CPED1: variants seen among roughly 807,000 people sequenced by gnomAD.
CPED1 encodes cadherin-like and PC-esterase domain-containing protein 1.
In CPED1, 114 loss-of-function variants were observed where a neutral mutation model predicts 128.2. The ratio of observed to expected loss-of-function variants is 0.89; its 90% CI spans 0.76 to 1.04. The LOEUF (loss-of-function observed/expected upper bound fraction) is 1.04, where lower values mean the gene tolerates loss of function less well. CPED1 is among the 50% of genes least tolerant of loss of function. The pLI is 0.00. For synonymous variants in CPED1, 462 were observed against 426.7 expected (o/e 1.08, Z -1.02); for missense variants, 1,211 against 1,207.1 (o/e 1.00, Z -0.05).
chr7:121,094,981 A>G (rs749229764), intron 5 of CPED1, among the ~76,000 whole-genome samples: 30 of 152,124 alleles, frequency 2.0e-4, no homozygotes, highest in Admixed American at 6.6e-4. Flanking sequence ...ATTTTAATCT[A>G]TTTTCCATTC....
At chr7:121,152,294 T>C (rs1796178081) in intron 16 of CPED1, among the ~76,000 whole-genome samples, 1 of 152,140 alleles carries the variant, frequency 6.6e-6, no homozygotes, top group Admixed American at 6.5e-5. Flanking sequence ...GACCTAATGA[T>C]TTGGAAAATA....
chr7:121,003,078 T>C (rs1344673666), intron 2 of CPED1, among the ~76,000 whole-genome samples: 1 of 152,212 alleles, frequency 6.6e-6, no homozygotes, highest in East Asian at 1.9e-4. Flanking sequence ...TGTAAGTTCA[T>C]TGCGTATTCA....
At chr7:121,199,673 C>CAAAAAAAAAAAAAA (rs1160203035) in intron 16 of CPED1, among the ~76,000 whole-genome samples, 2 of 86,944 alleles carry the variant, frequency 2.3e-5, no homozygotes, top group African/African-American at 9.2e-5. Context: ...GAGACTCCAT[C>CAAAAAAAAAAAAAA]AAAAAAAAAA....
chr7:121,266,123 CAGTT>C (rs954888291), intron 18 of CPED1, 100 bp from the exon 19 acceptor site: 57 of 805,218 alleles, frequency 7.1e-5, no homozygotes, highest in Non-Finnish European at 9.7e-5. Flanking sequence ...GTCCTTCAAA[CAGTT>C]AGGTAGTAGT....
At chr7:121,105,854 A>G (rs1262622840) in intron 7 of CPED1, among the ~76,000 whole-genome samples, 1 of 152,108 alleles carries the variant, frequency 6.6e-6, no homozygotes, top group African/African-American at 2.4e-5. Context: ...CTATTAAAAG[A>G]TTTGTCAAGT....
chr7:121,168,446 TA>T (rs1796582124), intron 16 of CPED1, among the ~76,000 whole-genome samples: 1 of 152,230 alleles, frequency 6.6e-6, no homozygotes, highest in Non-Finnish European at 1.5e-5. Context: ...TTTTAATTTT[TA>T]AAAATTTTTA....
intron 16 of CPED1, among the ~76,000 whole-genome samples, chr7:121,203,663 G>A (rs1005493946): frequency 2.0e-5 from 3 of 152,084 alleles, no homozygotes; most frequent in African/African-American, 7.2e-5. Context: ...ATGGTGCTGA[G>A]GAAACTCTGA....
chr7:121,188,380 G>A (rs1279034043), intron 16 of CPED1, among the ~76,000 whole-genome samples: 4 of 152,076 alleles, frequency 2.6e-5, no homozygotes, highest in African/African-American at 9.7e-5. Context: ...AGAGAATGGG[G>A]TATCTGTCCC....
At position 121,191,768 on chromosome 7, in the gene CPED1, T is replaced by C. The variant is rs556093118; in HGVS notation, c.2056-44946T>C. 9.4e-4 allele frequency among the ~76,000 whole-genome samples: 143 copies of C among 152,188 alleles called. 2 individuals are homozygous for C. Among genetic ancestry groups the C allele is most frequent in the African/African-American group, 3.1e-3 (129 of 41,538 alleles). On this transcript the variant is annotated intron_variant, in intron 16 of 22. Coordinates refer to ENST00000310396, the MANE Select transcript of CPED1 (RefSeq NM_024913.5). ...AGCTCATCACAGAAATTGAGAAAGA[T>C]GGTAGAAAGAAAAAAAGGAAATGCT...
chr7:121,135,710 G>A (rs1795769098), intron 13 of CPED1, among the ~76,000 whole-genome samples: 1 of 151,978 alleles, frequency 6.6e-6, no homozygotes, highest in Non-Finnish European at 1.5e-5. Flanking sequence ...CAACTGGATG[G>A]CACTCTTACA....
At chr7:121,153,367 C>T (rs1584552058) in intron 16 of CPED1, among the ~76,000 whole-genome samples, 2 of 152,258 alleles carry the variant, frequency 1.3e-5, no homozygotes, top group Admixed American at 1.3e-4. Flanking sequence ...AGATTTCATT[C>T]CAAATGACTT....
chr7:121,235,546 A>C (rs1345424487), intron 16 of CPED1, among the ~76,000 whole-genome samples: 1 of 152,144 alleles, frequency 6.6e-6, no homozygotes, highest in Non-Finnish European at 1.5e-5. Context: ...CACAGCAAAG[A>C]AGAGGTCAAA....
intron 22 of CPED1, among the ~76,000 whole-genome samples, chr7:121,279,637 C>A (rs529575881): frequency 6.6e-6 from 1 of 152,210 alleles, no homozygotes; most frequent in African/African-American, 2.4e-5. Context: ...AAAGATAAGG[C>A]TGAGACACAG....
chr7:121,064,309 C>T lies in CPED1; in HGVS notation c.612C>T (p.Phe204=). The T allele has an allele frequency of 1.2e-6, 2 of 1,607,984 alleles. No individual in the cohort carries two copies. The highest frequency in any genetic ancestry group is 1.7e-6 in the Non-Finnish European group (2 of 1,174,560). Residue 204 remains phenylalanine, a synonymous_variant, in exon 5 of 23, where the codon TTC becomes TTT. Coordinates refer to ENST00000310396, the MANE Select transcript of CPED1 (RefSeq NM_024913.5). The part of the protein sequence containing the change: ...KEGLCQIVRR[F]PELQLPVSPS... ...GATTATGTCAAATAGTTAGAAGATT[C>T]CCAGGTAATCTTTCGTTTGCTTCCT...
intron 22 of CPED1, among the ~76,000 whole-genome samples, chr7:121,282,490 A>G (rs1281890037): frequency 6.6e-6 from 1 of 152,186 alleles, no homozygotes; most frequent in Non-Finnish European, 1.5e-5. Context: ...GGTATCAAAC[A>G]TCTTTCACCG....
chr7:121,101,797 C>G (rs1472456050), intron 7 of CPED1, among the ~76,000 whole-genome samples: 1 of 151,934 alleles, frequency 6.6e-6, no homozygotes, highest in Non-Finnish European at 1.5e-5. Context: ...GGCTCTTAAA[C>G]CAAGCTCTCC....
intron 7 of CPED1, among the ~76,000 whole-genome samples, chr7:121,112,826 T>G (rs1044833364): frequency 6.6e-6 from 1 of 152,122 alleles, no homozygotes; most frequent in African/African-American, 2.4e-5. Flanking sequence ...TTTGTGACCA[T>G]TTTTTTGCAA....
chr7:121,164,887 A>G (rs1584561658), intron 16 of CPED1, among the ~76,000 whole-genome samples: 1 of 152,252 alleles, frequency 6.6e-6, no homozygotes, highest in African/African-American at 2.4e-5. Context: ...GTACTTCCCA[A>G]AACTTGACTT....
intron 16 of CPED1, among the ~76,000 whole-genome samples, chr7:121,191,741 C>A (rs759928086): frequency 6.6e-6 from 1 of 151,744 alleles, no homozygotes; most frequent in African/African-American, 2.4e-5. Flanking sequence ...TTTTAATTGG[C>A]GAGCTCATCA....
Sources: allele counts gnomAD v4.1 joint callset (sites outside exome capture counted in the v4.1 genomes callset), GRCh38; gene constraint gnomAD v4.1.1; transcripts MANE v1.5; gene names NCBI Gene and HGNC (gene_info 2026-07-23, HGNC 2026-07-21).